Variants in TRAPPC9 observed in about 807,000 individuals in gnomAD.
TRAPPC9 encodes trafficking protein particle complex subunit 9, also known as IKK2 binding protein.
Under a neutral mutation model 124.0 loss-of-function variants are expected in TRAPPC9, and 83 were observed. The ratio of observed to expected loss-of-function variants is 0.67; its 90% CI spans 0.56 to 0.80. The LOEUF (loss-of-function observed/expected upper bound fraction) is 0.80. TRAPPC9 is among the 30% of genes least tolerant of loss of function. The pLI, the probability that TRAPPC9 is intolerant of heterozygous loss-of-function variation, is 0.00. For missense variants in TRAPPC9, 1,302 were observed against 1,508.3 expected (o/e 0.86, Z 2.27); for synonymous variants, 638 against 617.5 (o/e 1.03, Z -0.49).
intron 9 of TRAPPC9, among the ~76,000 whole-genome samples, chr8:140,340,496 C>T (rs1218619636): frequency 1.3e-5 from 2 of 152,176 alleles, no homozygotes; most frequent in Non-Finnish European, 1.5e-5. Flanking sequence ...GCAAACACAC[C>T]AGCACTGTTG....
Position 140,284,013 on chromosome 8 carries a change from T to C in TRAPPC9, c.1990A>G (p.Thr664Ala). 6.2e-7 allele frequency: 1 copy of C among 1,613,996 alleles called. No homozygotes were observed. ...TGTITVNGYH[T>A]TVFGVFSDCL... ...TCACTGAACACACCGAAGACCGTGGTATGGTAACCTGGAATAGAAAAGGAA... is the reference window on the plus strand; with the variant it reads ...TCACTGAACACACCGAAGACCGTGGCATGGTAACCTGGAATAGAAAAGGAA... The change falls in exon 14 of 23, where the codon ACC becomes GCC. Residue 664 changes from threonine (T) to alanine (A), a missense_variant. Physicochemically the swap from Thr to Ala is moderately conservative, Grantham distance 58. This residue lies in a region of TRAPPC9 where 640 missense variants were observed against 679.3 expected (regional missense o/e 0.94). Coordinates refer to ENST00000438773, the MANE Select transcript of TRAPPC9 (RefSeq NM_001160372.4).
Position 140,269,534 on chromosome 8 carries a change from C to T in TRAPPC9, c.2278+6124G>A, listed in dbSNP as rs556470928. Among the ~76,000 whole-genome samples, 18 of 141,390 alleles carry T rather than the reference C, an allele frequency of 1.3e-4. No individual in the cohort carries two copies. In the East Asian group the frequency reaches 3.6e-3, roughly 28 times the overall value. The allele number at this position is 141,390 out of a possible 152,430, so 92.8% of individuals were successfully genotyped here. ...CCAGCCTGGGTGACAGAGCAAGACT[C>T]TGTCTCAAAAAATAAAATAAAATAA... is the stretch of plus-strand genomic sequence containing the variant. On this transcript the variant is annotated intron_variant, in intron 15 of 22. Transcript: ENST00000438773.
intron 19 of TRAPPC9, among the ~76,000 whole-genome samples, chr8:139,942,377 T>C (rs918381460): frequency 1.6e-5 from 2 of 127,142 alleles, no homozygotes; most frequent in African/African-American, 6.0e-5. Context: ...TCATTGGTCA[T>C]TTTATTTTTA....
chr8:139,864,582 G>A (rs1332278926), intron 21 of TRAPPC9, among the ~76,000 whole-genome samples: 1 of 152,152 alleles, frequency 6.6e-6, no homozygotes, highest in African/African-American at 2.4e-5. Context: ...TCCTGGCTAG[G>A]GGACTGCAGA....
intron 21 of TRAPPC9, among the ~76,000 whole-genome samples, chr8:139,784,300 G>A (rs573907243): frequency 9.9e-5 from 15 of 152,222 alleles, no homozygotes; most frequent in East Asian, 3.9e-4. Context: ...TAGGCCCAGC[G>A]CAGTGGCTCA....
In TRAPPC9 at chr8:140,128,225, T is replaced by C. The variant is rs916523038; in HGVS notation, c.2556+93234A>G. 2.0e-5 allele frequency among the ~76,000 whole-genome samples: 3 copies of C among 152,256 alleles called. No individual in the cohort carries two copies. The East Asian group carries it at 5.8e-4, about 29-fold the overall frequency. On this transcript the variant is annotated intron_variant, in intron 17 of 22. Coordinates refer to ENST00000438773, the MANE Select transcript of TRAPPC9 (RefSeq NM_001160372.4). ...CCATAGAACAGTTCCATCACAATTA[T>C]GCTCGGTGGTGAGACAGCCCAAGTG...
intron 17 of TRAPPC9, among the ~76,000 whole-genome samples, chr8:140,148,749 C>T (rs2061497990): frequency 6.6e-6 from 1 of 152,154 alleles, no homozygotes; most frequent in South Asian, 2.1e-4. Context: ...CATATCCTAC[C>T]TTAAAACAGA....
At chr8:140,450,537 C>G (rs958579207) in intron 2 of TRAPPC9, among the ~76,000 whole-genome samples, 1 of 152,264 alleles carries the variant, frequency 6.6e-6, no homozygotes, top group East Asian at 1.9e-4. Flanking sequence ...GGGAGCCCCA[C>G]TAAAAAGAGG....
At position 139,730,922 on chromosome 8, in the gene TRAPPC9, A is replaced by G. The variant is rs1817773997; in HGVS notation, c.*139T>C. Reference sequence around the variant, plus strand: ...CCAGCAAAGATGCTACAGGAGGAACAGGAGGAGAGGGCTGGGAGGGGTCTG... The same window carrying G: ...CCAGCAAAGATGCTACAGGAGGAACGGGAGGAGAGGGCTGGGAGGGGTCTG... On this transcript the variant is annotated 3_prime_UTR_variant, in exon 23 of 23. Coordinates refer to ENST00000438773, the MANE Select transcript of TRAPPC9 (RefSeq NM_001160372.4). 6 of 923,630 alleles carry G rather than the reference A, an allele frequency of 6.5e-6. No individual in the cohort carries two copies. In the Admixed American group the frequency reaches 1.2e-4, roughly 19 times the overall value. The allele number at this position is 923,630 out of a possible 1,614,324, so 57.2% of individuals were successfully genotyped here.
intron 21 of TRAPPC9, among the ~76,000 whole-genome samples, chr8:139,735,237 A>G (rs999092308): frequency 2.0e-5 from 3 of 152,192 alleles, no homozygotes; most frequent in African/African-American, 7.2e-5. Context: ...CTTCTGTAAC[A>G]TGGAGCCAAT....
In TRAPPC9 at chr8:140,404,909, CGTGTGT is replaced by C. The variant is rs71320356; in HGVS notation, c.1008+662_1008+667del. Among the ~76,000 whole-genome samples the C allele has an allele frequency of 5.9e-3, 703 of 120,042 alleles. 3 individuals are homozygous for C. Among genetic ancestry groups the C allele is most frequent in the African/African-American group, 0.016 (589 of 36,362 alleles). 78.8% of individuals were successfully genotyped at this position (120,042 alleles called of 152,430 possible). ...ATGTGTGCACGTGTGTGTGAGCATG[CGTGTGT>C]GTGTGTGTGTGTGTGTGTGTGTGTG... On this transcript the variant is annotated intron_variant, in intron 6 of 22. Transcript: ENST00000438773.
At chr8:140,292,352 AC>A (rs2065683082) in intron 11 of TRAPPC9, among the ~76,000 whole-genome samples, 1 of 152,174 alleles carries the variant, frequency 6.6e-6, no homozygotes, top group Admixed American at 6.5e-5. Context: ...CAGGAACCAC[AC>A]AGCAAGCGAG....
chr8:140,248,911 C>A lies in TRAPPC9; in HGVS notation c.2431+3866G>T, dbSNP rs536151188. 2.0e-3 allele frequency among the ~76,000 whole-genome samples: 304 copies of A among 152,266 alleles called. 1 individual carries two copies. Among genetic ancestry groups the A allele is most frequent in the African/African-American group, 6.9e-3 (287 of 41,544 alleles). ...CACTTAGAAATCAAAATAATACATC[C>A]AAACAGTGCTCTACAAAATCTTTTT... On this transcript the variant is annotated intron_variant, in intron 16 of 22. Coordinates refer to ENST00000438773, the MANE Select transcript of TRAPPC9 (RefSeq NM_001160372.4).
chr8:140,009,748 T>A (rs1006281362), intron 18 of TRAPPC9, among the ~76,000 whole-genome samples: 2 of 152,118 alleles, frequency 1.3e-5, no homozygotes, highest in Admixed American at 1.3e-4. Flanking sequence ...TCATAGCACG[T>A]CCCCCCTGCT....
chr8:140,195,401 T>C (rs1395967447), intron 17 of TRAPPC9, among the ~76,000 whole-genome samples: 5 of 149,040 alleles, frequency 3.4e-5, no homozygotes, highest in Admixed American at 1.3e-4. Flanking sequence ...CAATGATCCA[T>C]TGTACAGATC....
At chr8:140,004,088 CAAGA>C (rs892892183) in intron 18 of TRAPPC9, among the ~76,000 whole-genome samples, 1 of 152,132 alleles carries the variant, frequency 6.6e-6, no homozygotes, top group African/African-American at 2.4e-5. Context: ...GAAGCCACTC[CAAGA>C]AAGGAACACA....
intron 20 of TRAPPC9, among the ~76,000 whole-genome samples, chr8:139,891,039 C>T (rs1408097007): frequency 1.3e-5 from 2 of 152,084 alleles, no homozygotes; most frequent in East Asian, 3.9e-4. Flanking sequence ...TAAACGGCAA[C>T]CCACGCTCAG....
chr8:140,112,568 G>A (rs2060802142), intron 17 of TRAPPC9, among the ~76,000 whole-genome samples: 1 of 152,216 alleles, frequency 6.6e-6, no homozygotes, highest in South Asian at 2.1e-4. Flanking sequence ...GGACGCTGGA[G>A]ATGCATGATT....
chr8:140,116,703 C>T (rs2060893399), intron 17 of TRAPPC9, among the ~76,000 whole-genome samples: 1 of 152,194 alleles, frequency 6.6e-6, no homozygotes, highest in Non-Finnish European at 1.5e-5. Context: ...CTGCCCACGT[C>T]TGGGGTACAC....
Sources: gnomAD v4.1 joint callset for allele counts (sites outside exome capture counted in the v4.1 genomes callset) on GRCh38, gnomAD v4.1.1 for gene constraint, gnomAD v4.1.1 regional missense constraint, MANE v1.5 for transcripts, NCBI Gene and HGNC (gene_info 2026-07-23, HGNC 2026-07-21) for gene names.